The following ZMIZ1 variants were observed in gnomAD, a reference collection of about 807,000 sequenced individuals.
ZMIZ1 encodes the protein zinc finger MIZ domain-containing protein 1.
In ZMIZ1, 17 loss-of-function variants were observed where a neutral mutation model predicts 113.9. That is an observed-to-expected ratio of 0.15 (90% CI 0.10 to 0.22). The LOEUF is 0.22. ZMIZ1 is among the 10% of genes least tolerant of loss of function. The pLI is 1.00. For synonymous variants in ZMIZ1, 607 were observed against 603.1 expected (o/e 1.01, Z -0.09); for missense variants, 1,059 against 1,477.8 (o/e 0.72, Z 4.65).
chr10:79,127,581 T>C (rs1402127534), intron 2 of ZMIZ1, among the ~76,000 whole-genome samples: 2 of 142,488 alleles, frequency 1.4e-5, no homozygotes, highest in East Asian at 4.0e-4. Context: ...GGTGGGGAGG[T>C]GGGTGGCGTT....
intron 1 of ZMIZ1, among the ~76,000 whole-genome samples, chr10:79,094,677 A>G (rs916224391): frequency 2.3e-4 from 35 of 152,360 alleles, no homozygotes; most frequent in Middle Eastern, 3.4e-3. Flanking sequence ...CCAGGTGCAC[A>G]GTGGCTCACG....
intron 1 of ZMIZ1, among the ~76,000 whole-genome samples, chr10:79,095,506 A>T (rs549290501): frequency 7.9e-5 from 12 of 152,182 alleles, no homozygotes; most frequent in Non-Finnish European, 1.6e-4. Context: ...TCACCTGGCC[A>T]TGCGGCCTTT....
At chr10:79,122,045 G>C (rs1844313160) in intron 2 of ZMIZ1, among the ~76,000 whole-genome samples, 1 of 152,172 alleles carries the variant, frequency 6.6e-6, no homozygotes, top group Non-Finnish European at 1.5e-5. Context: ...GATGACAGCA[G>C]AGTAGGGTCC....
intron 1 of ZMIZ1, among the ~76,000 whole-genome samples, chr10:79,094,968 A>AGAG (rs577278512): frequency 5.1e-4 from 76 of 150,392 alleles, no homozygotes; most frequent in Non-Finnish European, 2.7e-4. Flanking sequence ...AAAAAAAAAA[A>AGAG]AGAGAGAGAG....
rs1171975911 is a variant in ZMIZ1, at chr10:79,069,884, A to G, written c.-337+614A>G. 6.6e-6 allele frequency among the ~76,000 whole-genome samples: 1 copy of G among 151,772 alleles called. No homozygotes were observed. Among genetic ancestry groups the G allele is most frequent in the African/African-American group, 2.4e-5 (1 of 41,306 alleles). Reference sequence around the variant, plus strand: ...GGAAAGCTGGCGCGCGGTACAAACGAGAAACGCGGAGGTGTGTGTGCAGGG... The same window carrying G: ...GGAAAGCTGGCGCGCGGTACAAACGGGAAACGCGGAGGTGTGTGTGCAGGG... On this transcript the variant is annotated intron_variant, in intron 1 of 24. Coordinates refer to ENST00000334512, the MANE Select transcript of ZMIZ1 (RefSeq NM_020338.4). The surrounding 1 kb of genome is among the most constrained non-coding windows in gnomAD (Gnocchi z 4.6).
rs1196595653 is a variant in ZMIZ1, at chr10:79,293,648, G to A, written c.1225G>A (p.Gly409Arg). 6.2e-7 allele frequency: 1 copy of A among 1,613,158 alleles called. No individual in the cohort carries two copies. Among genetic ancestry groups the A allele is most frequent in the South Asian group, 1.1e-5 (1 of 91,090 alleles). Residue 409 changes from glycine to arginine, a missense_variant, in exon 12 of 25, where the codon GGA (glycine) becomes AGA (arginine). By Grantham distance (125) the Gly-to-Arg change is moderately radical. Around this residue, in one of 6 missense-constraint regions of ZMIZ1, gnomAD observed 239 missense variants for 247.5 expected, o/e 0.97. Transcript: ENST00000334512. Reference protein sequence around the residue: ...PIQNIKRPYPGEPNYGNQQYG... With the variant: ...PIQNIKRPYPREPNYGNQQYG... ...TCAGAACATAAAGAGGCCATACCCTGGAGAGGTGAGTGCAGCAGTGGGAGC... is the reference window on the plus strand; with the variant it reads ...TCAGAACATAAAGAGGCCATACCCTAGAGAGGTGAGTGCAGCAGTGGGAGC...
chr10:79,167,689 C>T (rs1017108356), intron 4 of ZMIZ1, among the ~76,000 whole-genome samples: 4 of 152,242 alleles, frequency 2.6e-5, no homozygotes, highest in Non-Finnish European at 5.9e-5. Context: ...CAGCCCCAGA[C>T]CAAGCAGCTG....
In ZMIZ1 at chr10:79,306,193, C is replaced by T. The variant is rs1405573371; in HGVS notation, c.2517C>T (p.Gly839=). 1 of 1,614,190 alleles carries T rather than the reference C, an allele frequency of 6.2e-7. No homozygotes were observed. The highest frequency in any genetic ancestry group is 1.1e-5 in the South Asian group (1 of 91,090). Residue 839 remains glycine (G), a synonymous_variant, in exon 22 of 25, where the codon GGC becomes GGT. Transcript: ENST00000334512. The part of the protein sequence containing the change: ...SDLHIKDDPD[G]IPSKRFKTMS... ...TACACATCAAGGACGACCCTGATGG[C>T]ATCCCCTCCAAGCGGTTCAAGACCA...
intron 1 of ZMIZ1, among the ~76,000 whole-genome samples, chr10:79,102,702 C>T (rs1295887994): frequency 6.6e-6 from 1 of 152,240 alleles, no homozygotes; most frequent in Non-Finnish European, 1.5e-5. Flanking sequence ...ACCAGGCGGC[C>T]TTGCTGCTGC....
chr10:79,265,900 G>C (rs1021593901), intron 7 of ZMIZ1, among the ~76,000 whole-genome samples: 1 of 152,142 alleles, frequency 6.6e-6, no homozygotes, highest in African/African-American at 2.4e-5. Context: ...CTTGATCAAC[G>C]GAGCAGCCCA....
In ZMIZ1 at chr10:79,312,851, C is replaced by T. The variant is rs1405119619; in HGVS notation, c.*102C>T. 1 of 1,114,238 alleles carries T rather than the reference C, an allele frequency of 9.0e-7. No homozygotes were observed. The highest frequency in any genetic ancestry group is 1.6e-5 in the African/African-American group (1 of 64,076). 69.0% of individuals were successfully genotyped at this position (1,114,238 alleles called of 1,614,324 possible). On this transcript the variant is annotated 3_prime_UTR_variant, in exon 25 of 25. Transcript: ENST00000334512. ...CCTGTGCCCTCAGACCGCCCCGCAC[C>T]AGAGCCACGGGCTGTGGGGCGGGGA...
intron 16 of ZMIZ1, 131 bp downstream of exon 16, chr10:79,299,322 A>G (rs1349804834): frequency 2.7e-5 from 35 of 1,306,866 alleles, no homozygotes; most frequent in Non-Finnish European, 3.6e-5. Flanking sequence ...GTTCAGCATC[A>G]TTGACTGGGC....
At chr10:79,126,388 G>A (rs1844513104) in intron 2 of ZMIZ1, among the ~76,000 whole-genome samples, 1 of 152,202 alleles carries the variant, frequency 6.6e-6, no homozygotes, top group Non-Finnish European at 1.5e-5. Flanking sequence ...CAGGCAGCAT[G>A]GCATTACCTA....
At position 79,208,341 on chromosome 10, in the gene ZMIZ1, A is replaced by G. The variant is rs1278803107; in HGVS notation, c.66A>G (p.Leu22=). The part of the protein sequence containing the change: ...NDRLQCIKQH[L]QNPANFHNAA... ...CTCCTTTTCCTTTCCCACAGCACTT[A>G]CAGAATCCTGCCAACTTCCACAATG... The change falls in exon 6 of 25, where the codon TTA becomes TTG. Residue 22 remains leucine, a synonymous_variant. Coordinates refer to ENST00000334512, the MANE Select transcript of ZMIZ1 (RefSeq NM_020338.4). 1.2e-6 allele frequency: 2 copies of G among 1,613,728 alleles called. No individual in the cohort carries two copies. The highest frequency in any genetic ancestry group is 1.1e-5 in the South Asian group (1 of 91,068).
At chr10:79,078,914 G>A (rs565403587) in intron 1 of ZMIZ1, among the ~76,000 whole-genome samples, 4 of 152,090 alleles carry the variant, frequency 2.6e-5, no homozygotes, top group South Asian at 4.2e-4. Flanking sequence ...AAACGCCCGC[G>A]TAAACAGTCC....
At chr10:79,164,404 T>TTGAG (rs67735676) in intron 4 of ZMIZ1, among the ~76,000 whole-genome samples, 8,180 of 151,368 alleles carry the variant, frequency 0.054, 277 homozygotes, top group East Asian at 0.11. Context: ...ATTCTGTTAA[T>TTGAG]TGAGTGAGTG....
At chr10:79,150,418 G>A (rs571235067) in intron 3 of ZMIZ1, among the ~76,000 whole-genome samples, 69 of 152,352 alleles carry the variant, frequency 4.5e-4, no homozygotes, top group Non-Finnish European at 7.6e-4. Context: ...CTGGGCCCAC[G>A]CCCGTCCTGC....
chr10:79,111,492 T>C (rs1238403340), intron 1 of ZMIZ1, among the ~76,000 whole-genome samples: 2 of 152,148 alleles, frequency 1.3e-5, no homozygotes, highest in Non-Finnish European at 2.9e-5. Flanking sequence ...GTCTTTCCTC[T>C]CGATGGCTAG....
chr10:79,209,397 G>A (rs1004748250), intron 6 of ZMIZ1, among the ~76,000 whole-genome samples: 1 of 152,372 alleles, frequency 6.6e-6, no homozygotes, highest in East Asian at 1.9e-4. Flanking sequence ...GAAGTCACTC[G>A]AAGCTTGAGA....
Sources: allele counts gnomAD v4.1 joint callset (sites outside exome capture counted in the v4.1 genomes callset), GRCh38; gene constraint gnomAD v4.1.1; regional missense constraint gnomAD v4.1.1; non-coding constraint Gnocchi (gnomAD v3.1); transcripts MANE v1.5; gene names NCBI Gene and HGNC (gene_info 2026-07-23, HGNC 2026-07-21).